The following VPS13C variants were observed in gnomAD, a reference collection of about 807,000 sequenced individuals.
VPS13C encodes the protein intermembrane lipid transfer protein VPS13C.
In VPS13C, 358 loss-of-function variants were observed where a neutral mutation model predicts 456.8. That is an observed-to-expected ratio of 0.78 (90% confidence interval 0.72 to 0.86). The LOEUF is 0.86. Ranked by LOEUF, VPS13C falls within the 40% of genes least tolerant of loss-of-function variation. The probability of loss-of-function intolerance (pLI) is 0.00; values close to 1 mark genes in which losing one functional copy is unlikely to be tolerated. For synonymous variants in VPS13C, 1,578 were observed against 1,486.7 expected, an observed-to-expected ratio of 1.06 and a Z score of -1.41; for missense variants, 4,818 against 4,385.4, an observed-to-expected ratio of 1.10 and a Z score of -2.79.
At chr15:61,990,182 T>G (rs924484832) in intron 18 of VPS13C, among the ~76,000 whole-genome samples, 1 of 151,872 alleles carries the variant, frequency 6.6e-6, no homozygotes, top group African/African-American at 2.4e-5. Context: ...CAAAACAAAA[T>G]AACAGTATTG....
At chr15:61,868,588 A>C in intron 81 of VPS13C, 71 bp downstream of exon 81, 1 of 1,312,426 alleles carries the variant, frequency 7.6e-7, no homozygotes. Flanking sequence ...TTTAAGAACC[A>C]CCTAGGAAAT....
At chr15:61,854,617 A>G in intron 84 of VPS13C, 59 bp from the exon 85 acceptor site, 2 of 1,559,492 alleles carry the variant, frequency 1.3e-6, no homozygotes, top group South Asian at 2.2e-5. Context: ...ATTTGGTTGA[A>G]GGGAAAGGTA....
chr15:62,038,594 ATT>A (rs2048140145), intron 3 of VPS13C, among the ~76,000 whole-genome samples: 1 of 152,200 alleles, frequency 6.6e-6, no homozygotes, highest in Admixed American at 6.5e-5. Context: ...CTCTAAATTA[ATT>A]AATTAATTTT....
Position 61,951,033 on chromosome 15 carries a change from GA to G in VPS13C, c.4457-10del. On this transcript the variant is annotated splice_polypyrimidine_tract_variant and intron_variant, in intron 39 of 84. Transcript: ENST00000644861. ...AGGTTCCCCTTTAGAGTCTAAAAGA[GA>G]AAAAAGACAAAGTTGATCCATCAAT... is the stretch of plus-strand genomic sequence containing the variant. 1.3e-6 allele frequency: 2 copies of G among 1,547,272 alleles called. No individual in the cohort carries two copies. The highest frequency in any genetic ancestry group is 1.8e-6 in the Non-Finnish European group (2 of 1,141,062).
intron 67 of VPS13C, among the ~76,000 whole-genome samples, chr15:61,886,443 C>T (rs140548875): frequency 6.6e-6 from 1 of 152,136 alleles, no homozygotes; most frequent in African/African-American, 2.4e-5. Flanking sequence ...AAAAGATGAA[C>T]ATTCAAAGTT....
chr15:62,031,786 A>C (rs2047829202), intron 5 of VPS13C, among the ~76,000 whole-genome samples: 2 of 151,930 alleles, frequency 1.3e-5, no homozygotes, highest in Admixed American at 1.3e-4. Context: ...AACCATTCAT[A>C]ATAGCCTCTT....
chr15:61,876,078 A>G (rs1239673445), intron 75 of VPS13C, among the ~76,000 whole-genome samples: 1 of 152,028 alleles, frequency 6.6e-6, no homozygotes, highest in Non-Finnish European at 1.5e-5. Context: ...GCTGCCACGT[A>G]GCAGTTATGT....
chr15:62,029,640 A>G (rs1024433104), intron 5 of VPS13C, among the ~76,000 whole-genome samples: 1 of 152,078 alleles, frequency 6.6e-6, no homozygotes, highest in Non-Finnish European at 1.5e-5. Context: ...TTATTATGCA[A>G]ATTTCTTATT....
intron 82 of VPS13C, among the ~76,000 whole-genome samples, chr15:61,859,804 C>T (rs962914529): frequency 6.6e-6 from 1 of 151,860 alleles, no homozygotes; most frequent in African/African-American, 2.4e-5. Flanking sequence ...GTAACTTCAT[C>T]TCTGTGTCCC....
chr15:61,931,025 C>T (rs2044035680), intron 50 of VPS13C, 65 bp downstream of exon 50: 1 of 1,583,886 alleles, frequency 6.3e-7, no homozygotes, highest in Non-Finnish European at 8.6e-7. Context: ...CCTAGCAATG[C>T]CTGGCAGCCA....
At chr15:61,855,065 A>G in intron 83 of VPS13C, 111 bp from the exon 84 acceptor site, 1 of 760,110 alleles carries the variant, frequency 1.3e-6, no homozygotes, top group Middle Eastern at 3.6e-4. Context: ...AAGTAGGCTA[A>G]CCAAATACAC....
At position 61,917,613 on chromosome 15, in the gene VPS13C, C is replaced by T; in HGVS notation, c.7783G>A (p.Ala2595Thr). Reference sequence around the variant, plus strand: ...TTGTACTGATGCTCTAAGATTCCAGCTGGCTGGATAAACAATTGACATCTG... The same window carrying T: ...TTGTACTGATGCTCTAAGATTCCAGTTGGCTGGATAAACAATTGACATCTG... ...SYRCQLFIQP[A>T]GILEHQYKES... The change falls in exon 60 of 85, where the codon GCT becomes ACT. Residue 2595 changes from alanine to threonine, a missense_variant. Physicochemically the swap from Ala to Thr is moderately conservative, Grantham distance 58. This residue lies in a region of VPS13C where 4,552 missense variants were observed against 4,130.6 expected (regional missense o/e 1.10). Transcript: ENST00000644861. 1.9e-6 allele frequency: 3 copies of T among 1,611,542 alleles called. No individual in the cohort carries two copies. Among genetic ancestry groups the T allele is most frequent in the Non-Finnish European group, 2.5e-6 (3 of 1,177,828 alleles).
intron 66 of VPS13C, among the ~76,000 whole-genome samples, chr15:61,902,395 C>T (rs992734819): frequency 6.6e-6 from 1 of 151,030 alleles, no homozygotes; most frequent in African/African-American, 2.4e-5. Context: ...TTACAAAGGC[C>T]AGCATTAACC....
At chr15:61,863,622 G>C (rs1894348643) in intron 81 of VPS13C, 94 bp from the exon 82 acceptor site, 3 of 724,486 alleles carry the variant, frequency 4.1e-6, no homozygotes, top group South Asian at 4.5e-5. Flanking sequence ...ATAGTGTTAG[G>C]AAAAAATTAA....
chr15:61,917,761 T>C (rs893553185), intron 59 of VPS13C, 126 bp from the exon 60 acceptor site: 2 of 1,098,146 alleles, frequency 1.8e-6, no homozygotes, highest in Non-Finnish European at 1.2e-6. Flanking sequence ...GATATACAGA[T>C]GAGGAAACCA....
chr15:61,946,272 AT>A (rs2044602035), intron 44 of VPS13C, 34 bp downstream of exon 44: 1 of 1,500,734 alleles, frequency 6.7e-7, no homozygotes, highest in Admixed American at 2.0e-5. Flanking sequence ...AAAAGGCAAA[AT>A]AAATTCCAAT....
rs1322614541 is a variant in VPS13C, at chr15:61,966,711, A to G, written c.2992-569T>C. On this transcript the variant is annotated intron_variant, in intron 29 of 84. Transcript: ENST00000644861. ...GCCAATTTCCCTGCCCCTCTGTTCCAATAATGCTTTGTGCTTTTCTTTATT... is the reference window on the plus strand; with the variant it reads ...GCCAATTTCCCTGCCCCTCTGTTCCGATAATGCTTTGTGCTTTTCTTTATT... 2.6e-5 allele frequency among the ~76,000 whole-genome samples: 4 copies of G among 151,928 alleles called. No individual in the cohort carries two copies. The East Asian group carries it at 7.7e-4, about 29-fold the overall frequency.
intron 27 of VPS13C, among the ~76,000 whole-genome samples, chr15:61,972,030 A>C (rs1257769593): frequency 6.6e-6 from 1 of 152,210 alleles, no homozygotes; most frequent in African/African-American, 2.4e-5. Flanking sequence ...CATGTATAAA[A>C]ACCTGTAATC....
At chr15:61,933,443 G>T (rs2044126554) in intron 49 of VPS13C, among the ~76,000 whole-genome samples, 1 of 151,924 alleles carries the variant, frequency 6.6e-6, no homozygotes. Flanking sequence ...TCATATAAAT[G>T]GACATTAACA....
Sources: allele counts gnomAD v4.1 joint callset (sites outside exome capture counted in the v4.1 genomes callset), GRCh38; gene constraint gnomAD v4.1.1; regional missense constraint gnomAD v4.1.1; transcripts MANE v1.5; gene names NCBI Gene and HGNC (gene_info 2026-07-23, HGNC 2026-07-21).